Variants in KCNH8 observed in about 807,000 individuals in gnomAD.
KCNH8 encodes the protein potassium voltage-gated channel subfamily H member 8.
KCNH8 carries 70 observed loss-of-function variants against 103.6 expected under a neutral mutation model. That is an observed-to-expected ratio of 0.68 (90% CI 0.56 to 0.82). The LOEUF is 0.82. Among genes scored for constraint, KCNH8 ranks in the 40% least tolerant of loss-of-function variants. The pLI is 0.00. For synonymous variants in KCNH8, 498 were observed against 489.4 expected, an observed-to-expected ratio of 1.02 and a Z score of -0.23; for missense variants, 1,217 against 1,329.9, an observed-to-expected ratio of 0.92 and a Z score of 1.32.
chr3:19,495,984 G>C (rs373183693), intron 11 of KCNH8, among the ~76,000 whole-genome samples: 9 of 151,260 alleles, frequency 6.0e-5, no homozygotes, highest in East Asian at 4.2e-4. Flanking sequence ...TTACATTCTT[G>C]ATTTGGCTCT....
At chr3:19,383,247 C>T (rs561218394) in intron 5 of KCNH8, among the ~76,000 whole-genome samples, 1 of 152,028 alleles carries the variant, frequency 6.6e-6, no homozygotes, top group Non-Finnish European at 1.5e-5. Context: ...ATGCAAAGAG[C>T]TATGTAATTA....
intron 3 of KCNH8, among the ~76,000 whole-genome samples, chr3:19,300,851 T>TAGC (rs1309360843): frequency 1.5e-4 from 22 of 151,718 alleles, no homozygotes; most frequent in Admixed American, 3.9e-4. Flanking sequence ...ATATTAAATT[T>TAGC]TTAACTCCTT....
intron 9 of KCNH8, chr3:19,450,920 C>A: frequency 2.0e-6 from 1 of 504,076 alleles, no homozygotes; most frequent in South Asian, 2.4e-5. Context: ...CTGCTAGAGG[C>A]TTTTTTAATT....
intron 5 of KCNH8, among the ~76,000 whole-genome samples, chr3:19,358,214 T>C (rs2065905228): frequency 6.7e-6 from 1 of 148,330 alleles, no homozygotes. Flanking sequence ...TTTCTCTTTC[T>C]CTTTCCTTCT....
intron 5 of KCNH8, among the ~76,000 whole-genome samples, chr3:19,381,791 G>A (rs917029019): frequency 3.3e-5 from 5 of 152,074 alleles, no homozygotes; most frequent in African/African-American, 4.8e-5. Flanking sequence ...AAGTGAATTC[G>A]TATAGTCTCT....
intron 11 of KCNH8, among the ~76,000 whole-genome samples, chr3:19,502,426 A>C (rs2068605407): frequency 1.3e-5 from 2 of 151,774 alleles, no homozygotes; most frequent in Non-Finnish European, 2.9e-5. Context: ...AAACTACTTT[A>C]AAGTTCATAT....
intron 15 of KCNH8, among the ~76,000 whole-genome samples, chr3:19,525,998 G>C (rs998893348): frequency 6.6e-6 from 1 of 151,786 alleles, no homozygotes; most frequent in African/African-American, 2.4e-5. Flanking sequence ...CGTCTTTTTT[G>C]TTTTGCCTGC....
chr3:19,523,462 TATAAG>T (rs1219473168), intron 15 of KCNH8, among the ~76,000 whole-genome samples: 3 of 151,960 alleles, frequency 2.0e-5, no homozygotes, highest in Admixed American at 1.3e-4. Context: ...TAAGCACTGT[TATAAG>T]ATAAATTATA....
In KCNH8 at chr3:19,371,058, C is replaced by T. The variant is rs528993677; in HGVS notation, c.812-19423C>T. Among the ~76,000 whole-genome samples, 894 of 151,928 alleles carry T rather than the reference C, an allele frequency of 5.9e-3. 7 individuals are homozygous for T. The highest frequency in any genetic ancestry group is 0.02 in the African/African-American group (835 of 41,394). On this transcript the variant is annotated intron_variant, in intron 5 of 15. Coordinates refer to ENST00000328405, the MANE Select transcript of KCNH8 (RefSeq NM_144633.3). ...AAGTCTTTGCAATTGTGAATAATGC[C>T]GCAATAAACATACGTGTGCATGTGT...
chr3:19,485,719 G>T (rs2068192232), intron 11 of KCNH8, among the ~76,000 whole-genome samples: 2 of 152,176 alleles, frequency 1.3e-5, no homozygotes, highest in Admixed American at 1.3e-4. Flanking sequence ...TGCCCAGTAA[G>T]GGGTAGATGC....
chr3:19,494,304 G>C (rs1171323729), intron 11 of KCNH8, among the ~76,000 whole-genome samples: 1 of 152,308 alleles, frequency 6.6e-6, no homozygotes, highest in Non-Finnish European at 1.5e-5. Context: ...GAGGGACCCA[G>C]TGAGAGATGA....
intron 3 of KCNH8, among the ~76,000 whole-genome samples, chr3:19,324,491 C>T (rs376735787): frequency 6.6e-6 from 1 of 152,156 alleles, no homozygotes; most frequent in South Asian, 2.1e-4. Context: ...CACCAGGTCC[C>T]TTCCTCAACA....
chr3:19,271,928 C>G lies in KCNH8; in HGVS notation c.311-9270C>G, dbSNP rs534992879. Among the ~76,000 whole-genome samples, 11 of 152,130 alleles carry G rather than the reference C, an allele frequency of 7.2e-5. No homozygotes were observed. The South Asian group carries it at 2.1e-3, about 29-fold the overall frequency. ...GGAAGTAACACAAATTTGTTCTGAT[C>G]ATCTTAAGCAAAAATAATAATTCAC... On this transcript the variant is annotated intron_variant, in intron 2 of 15. Transcript: ENST00000328405.
intron 13 of KCNH8, among the ~76,000 whole-genome samples, chr3:19,514,183 A>G (rs2068835328): frequency 6.6e-6 from 1 of 152,094 alleles, no homozygotes; most frequent in African/African-American, 2.4e-5. Context: ...TGAAAGGTGG[A>G]TTCAAAGTTT....
At chr3:19,372,418 G>T (rs995029356) in intron 5 of KCNH8, among the ~76,000 whole-genome samples, 14 of 150,478 alleles carry the variant, frequency 9.3e-5, no homozygotes, top group African/African-American at 3.2e-4. Context: ...CTGTTTGTCT[G>T]TTGTTGGTGT....
In KCNH8 at chr3:19,326,252, G is replaced by A. The variant is rs1268138060; in HGVS notation, c.443-16335G>A. On this transcript the variant is annotated intron_variant, in intron 3 of 15. Coordinates refer to ENST00000328405, the MANE Select transcript of KCNH8 (RefSeq NM_144633.3). ...TAAAGGATACTAGGCTTAATACCTG[G>A]ATGATGAAATAATCTGCACAACAAC... Among the ~76,000 whole-genome samples, 5 of 151,646 alleles carry A rather than the reference G, an allele frequency of 3.3e-5. No homozygotes were observed. In the East Asian group the frequency reaches 9.8e-4, roughly 30 times the overall value.
chr3:19,160,100 C>T (rs1033651481), intron 1 of KCNH8, among the ~76,000 whole-genome samples: 1 of 152,090 alleles, frequency 6.6e-6, no homozygotes, highest in African/African-American at 2.4e-5. Context: ...TTACATTTGT[C>T]ATGGGTGCCC....
chr3:19,268,159 T>C (rs2064538950), intron 2 of KCNH8, among the ~76,000 whole-genome samples: 1 of 152,132 alleles, frequency 6.6e-6, no homozygotes, highest in Admixed American at 6.6e-5. Context: ...CTGTACCTTA[T>C]GGTCTATTAA....
intron 5 of KCNH8, among the ~76,000 whole-genome samples, chr3:19,360,286 C>G (rs946971273): frequency 1.3e-5 from 2 of 151,968 alleles, no homozygotes; most frequent in African/African-American, 4.8e-5. Flanking sequence ...TCTATATTCA[C>G]CGAATAGTAG....
Sources: allele counts gnomAD v4.1 joint callset (sites outside exome capture counted in the v4.1 genomes callset), GRCh38; gene constraint gnomAD v4.1.1; transcripts MANE v1.5; gene names NCBI Gene and HGNC (gene_info 2026-07-23, HGNC 2026-07-21).